The following LRRC4C variants were observed in gnomAD, a reference collection of about 807,000 sequenced individuals.
LRRC4C encodes leucine rich repeat containing 4C.
LRRC4C carries 5 observed loss-of-function variants against 33.6 expected under a neutral mutation model. The observed-to-expected ratio is 0.15, with a 90% CI of 0.08 to 0.31. LRRC4C has a LOEUF of 0.31. Ranked by LOEUF, LRRC4C falls within the 10% of genes least tolerant of loss-of-function variation. LRRC4C has a pLI of 1.00. For synonymous variants in LRRC4C, 329 were observed against 302.0 expected, an observed-to-expected ratio of 1.09 and a Z score of -0.93; for missense variants, 560 against 796.7, an observed-to-expected ratio of 0.70 and a Z score of 3.58.
At chr11:40,845,757 C>T (rs755326395) in intron 2 of LRRC4C, among the ~76,000 whole-genome samples, 1 of 152,190 alleles carries the variant, frequency 6.6e-6, no homozygotes, top group Non-Finnish European at 1.5e-5. Flanking sequence ...AATTGCCATA[C>T]TGTCTCCCAC....
At chr11:41,042,990 C>A (rs534993466) in intron 1 of LRRC4C, among the ~76,000 whole-genome samples, 81 of 126,062 alleles carry the variant, frequency 6.4e-4, no homozygotes, top group African/African-American at 2.2e-3. Context: ...GAACTACTGC[C>A]ACCTGTTTTG....
At chr11:41,132,566 C>G (rs893532466) in intron 1 of LRRC4C, among the ~76,000 whole-genome samples, 1 of 152,004 alleles carries the variant, frequency 6.6e-6, no homozygotes. Context: ...CAAACTAAAA[C>G]TATGGTTTAA....
At chr11:40,812,808 G>C (rs1296251726) in intron 2 of LRRC4C, among the ~76,000 whole-genome samples, 5 of 152,014 alleles carry the variant, frequency 3.3e-5, no homozygotes, top group Non-Finnish European at 5.9e-5. Context: ...CAAAAGGCAA[G>C]AGAAACCTTC....
chr11:40,311,941 C>T lies in LRRC4C; in HGVS notation c.-176+7687G>A, dbSNP rs548649169. 4.8e-5 allele frequency among the ~76,000 whole-genome samples: 5 copies of T among 105,234 alleles called. No individual in the cohort carries two copies. In the East Asian group the frequency reaches 1.1e-3, roughly 23 times the overall value. 69.0% of individuals were successfully genotyped at this position (105,234 alleles called of 152,430 possible). ...GCCTGGAGACAGAGTGAGACTCTGT[C>T]TCAAAAAAAAAAAAAAAAAAAAAGT... On this transcript the variant is annotated intron_variant, in intron 4 of 6. Transcript: ENST00000528697.
chr11:41,152,082 C>T (rs540145231), intron 1 of LRRC4C, among the ~76,000 whole-genome samples: 13 of 152,308 alleles, frequency 8.5e-5, no homozygotes, highest in South Asian at 6.2e-4. Flanking sequence ...TCACTGTCCA[C>T]GTAGTTCTCT....
chr11:41,007,467 G>A (rs1221579666), intron 1 of LRRC4C, among the ~76,000 whole-genome samples: 2 of 151,866 alleles, frequency 1.3e-5, no homozygotes, highest in African/African-American at 4.8e-5. Flanking sequence ...AGAGTATTTG[G>A]CAATATCTAT....
intron 1 of LRRC4C, among the ~76,000 whole-genome samples, chr11:40,941,365 G>A (rs1958136998): frequency 6.6e-6 from 1 of 151,974 alleles, no homozygotes; most frequent in Admixed American, 6.6e-5. Flanking sequence ...ACAAATAAAT[G>A]CTCTCACATA....
At chr11:41,229,546 T>A (rs921230741) in intron 1 of LRRC4C, among the ~76,000 whole-genome samples, 1 of 152,124 alleles carries the variant, frequency 6.6e-6, no homozygotes, top group Non-Finnish European at 1.5e-5. Flanking sequence ...TTTATTAATT[T>A]CTCAACTTGC....
At chr11:41,034,606 CGTATATAT>C (rs71060992) in intron 1 of LRRC4C, among the ~76,000 whole-genome samples, 43,184 of 108,334 alleles carry the variant, frequency 0.4, 7,610 homozygotes, top group East Asian at 0.55. Flanking sequence ...AATATGGTGA[CGTATATAT>C]ATATATATAT....
intron 3 of LRRC4C, among the ~76,000 whole-genome samples, chr11:40,359,573 T>C (rs1947853004): frequency 6.6e-6 from 1 of 152,178 alleles, no homozygotes; most frequent in African/African-American, 2.4e-5. Flanking sequence ...TATCTAAGGA[T>C]CCTTGCCTCC....
At chr11:41,218,436 C>G (rs1947157236) in intron 1 of LRRC4C, among the ~76,000 whole-genome samples, 1 of 152,202 alleles carries the variant, frequency 6.6e-6, no homozygotes, top group African/African-American at 2.4e-5. Context: ...ATAATCTCAG[C>G]ACACCTGTGA....
intron 1 of LRRC4C, among the ~76,000 whole-genome samples, chr11:41,161,045 A>T (rs1396915507): frequency 6.6e-6 from 1 of 152,210 alleles, no homozygotes; most frequent in Non-Finnish European, 1.5e-5. Flanking sequence ...ACAGAGCAGC[A>T]GTTCTGTAGA....
intron 1 of LRRC4C, among the ~76,000 whole-genome samples, chr11:41,008,704 C>T (rs1428461919): frequency 2.0e-5 from 3 of 152,050 alleles, no homozygotes; most frequent in African/African-American, 7.2e-5. Context: ...TTGTATCTGC[C>T]AGTGGTTTAC....
At chr11:40,824,083 C>A (rs1952055594) in intron 2 of LRRC4C, among the ~76,000 whole-genome samples, 1 of 151,334 alleles carries the variant, frequency 6.6e-6, no homozygotes, top group African/African-American at 2.4e-5. Flanking sequence ...GTGGAATTTC[C>A]AAAAAAAGGA....
At chr11:40,671,690 A>ATATGTG (rs1555141633) in intron 2 of LRRC4C, among the ~76,000 whole-genome samples, 15 of 149,214 alleles carry the variant, frequency 1.0e-4, no homozygotes, top group Non-Finnish European at 1.3e-4. Flanking sequence ...GTATATATAT[A>ATATGTG]TGTGTGTATA....
intron 1 of LRRC4C, among the ~76,000 whole-genome samples, chr11:41,078,271 A>C: frequency 6.6e-6 from 1 of 152,152 alleles, no homozygotes; most frequent in East Asian, 1.9e-4. Flanking sequence ...TAAGCCCTCC[A>C]AACTGTTCCA....
intron 1 of LRRC4C, among the ~76,000 whole-genome samples, chr11:41,272,151 C>G (rs1949341647): frequency 6.6e-6 from 1 of 152,038 alleles, no homozygotes; most frequent in South Asian, 2.1e-4. Flanking sequence ...TAAAAATGCC[C>G]TACTTTTTTA....
intron 3 of LRRC4C, among the ~76,000 whole-genome samples, chr11:40,609,047 GAAC>G (rs1294261083): frequency 6.6e-6 from 1 of 151,852 alleles, no homozygotes; most frequent in Non-Finnish European, 1.5e-5. Context: ...AACAAAATTC[GAAC>G]AACACTGTAG....
chr11:41,012,492 G>A (rs1855278208), intron 1 of LRRC4C, among the ~76,000 whole-genome samples: 1 of 152,020 alleles, frequency 6.6e-6, no homozygotes, highest in Non-Finnish European at 1.5e-5. Flanking sequence ...CCACTGATTA[G>A]GACTTACACT....
Sources: gnomAD v4.1 joint callset for allele counts (sites outside exome capture counted in the v4.1 genomes callset) on GRCh38, gnomAD v4.1.1 for gene constraint, MANE v1.5 for transcripts, NCBI Gene and HGNC (gene_info 2026-07-23, HGNC 2026-07-21) for gene names.